The following IKZF2 variants were observed in gnomAD, a reference collection of about 807,000 sequenced individuals.
The protein encoded by IKZF2 is IKAROS family zinc finger 2.
A neutral mutation model predicts 49.2 loss-of-function variants in IKZF2; 15 were observed. That is an observed-to-expected ratio of 0.30 (90% CI 0.20 to 0.47). The LOEUF (loss-of-function observed/expected upper bound fraction) is 0.47. IKZF2 is among the 20% of genes least tolerant of loss of function. IKZF2 has a pLI of 1.00. For synonymous variants in IKZF2, 227 were observed against 221.4 expected (o/e 1.03, Z -0.23); for missense variants, 567 against 664.6 (o/e 0.85, Z 1.61).
At position 213,049,851 on chromosome 2, in the gene IKZF2, C is replaced by T; in HGVS notation, c.436G>A (p.Gly146Arg). The change falls in exon 6 of 9, where the codon GGA (glycine) becomes AGA (arginine). Residue 146 changes from glycine (G) to arginine (R), a missense_variant. Transcript: ENST00000434687. Reference protein sequence around the residue: ...GERPFHCNQCGASFTQKGNLL... With the variant: ...GERPFHCNQCRASFTQKGNLL... ...TTGCCCTTCTGAGTAAAAGAAGCTC[C>T]ACACTGGTTACAGTGGAAGGGGCGT... 2 of 1,603,936 alleles carry T rather than the reference C, an allele frequency of 1.2e-6. No homozygotes were observed. The highest frequency in any genetic ancestry group is 1.7e-6 in the Non-Finnish European group (2 of 1,174,056).
intron 4 of IKZF2, among the ~76,000 whole-genome samples, chr2:213,122,661 T>C (rs1350214700): frequency 6.6e-6 from 1 of 152,238 alleles, no homozygotes; most frequent in East Asian, 1.9e-4. Context: ...AGTGACATAA[T>C]TAAATGGGCT....
intron 5 of IKZF2, among the ~76,000 whole-genome samples, chr2:213,051,615 A>G (rs911267289): frequency 2.6e-5 from 4 of 151,914 alleles, no homozygotes; most frequent in African/African-American, 7.2e-5. Context: ...CAACTTGATT[A>G]TTTGATTCTC....
intron 4 of IKZF2, among the ~76,000 whole-genome samples, chr2:213,070,887 T>A (rs545862167): frequency 1.3e-5 from 2 of 152,310 alleles, no homozygotes; most frequent in African/African-American, 4.8e-5. Flanking sequence ...CAGGAATTTA[T>A]TATTCTGTGG....
intron 4 of IKZF2, among the ~76,000 whole-genome samples, chr2:213,103,784 T>C (rs1015156861): frequency 2.0e-5 from 2 of 101,638 alleles, no homozygotes; most frequent in Non-Finnish European, 4.0e-5. Context: ...TTTTATAACT[T>C]AGAACAACTG....
rs568404203 is a variant in IKZF2 at position 213,124,850 on chromosome 2, C to T, written c.139+22858G>A. On this transcript the variant is annotated intron_variant, in intron 4 of 8. Coordinates refer to ENST00000434687, the MANE Select transcript of IKZF2 (RefSeq NM_001387220.1). Reference sequence around the variant, plus strand: ...ATAGGAAAGAAAAAGAAATCAGGTCCTTATTCCTTACATCCTGCACAAGGT... The same window carrying T: ...ATAGGAAAGAAAAAGAAATCAGGTCTTTATTCCTTACATCCTGCACAAGGT... Among the ~76,000 whole-genome samples the T allele has an allele frequency of 3.3e-5, 5 of 152,308 alleles. No homozygotes were observed. The East Asian group carries it at 9.6e-4, about 29-fold the overall frequency.
At chr2:213,020,545 A>G (rs1004447866) in intron 7 of IKZF2, among the ~76,000 whole-genome samples, 1 of 152,120 alleles carries the variant, frequency 6.6e-6, no homozygotes, top group Non-Finnish European at 1.5e-5. Flanking sequence ...TGAAATATCA[A>G]ATTTACCAAG....
At chr2:213,123,605 A>AAAAT (rs1553599347) in intron 4 of IKZF2, among the ~76,000 whole-genome samples, 1 of 152,154 alleles carries the variant, frequency 6.6e-6, no homozygotes, top group Non-Finnish European at 1.5e-5. Context: ...GTATAATAAT[A>AAAAT]AAATAAATAA....
intron 4 of IKZF2, 124 bp from the exon 5 acceptor site, chr2:213,057,223 C>T (rs1701249000): frequency 1.2e-6 from 1 of 846,268 alleles, no homozygotes; most frequent in Non-Finnish European, 1.8e-6. Context: ...GAATAGAGTT[C>T]ATCATCGAAT....
At chr2:213,134,443 C>A (rs2060583875) in intron 4 of IKZF2, among the ~76,000 whole-genome samples, 1 of 152,230 alleles carries the variant, frequency 6.6e-6, no homozygotes, top group African/African-American at 2.4e-5. Flanking sequence ...CTCTTACACA[C>A]ACAGTATAGT....
intron 6 of IKZF2, among the ~76,000 whole-genome samples, chr2:213,047,106 T>C (rs1194936808): frequency 6.6e-6 from 1 of 152,166 alleles, no homozygotes; most frequent in African/African-American, 2.4e-5. Context: ...TAATAGGATA[T>C]GCCTTCCCTT....
At chr2:213,083,551 C>CTTTTTTTTTTTTTTTTTTTTTTTT (rs35297007) in intron 4 of IKZF2, among the ~76,000 whole-genome samples, 1 of 93,956 alleles carries the variant, frequency 1.1e-5, no homozygotes. Context: ...ACCAGGCTAA[C>CTTTTTTTTTTTTTTTTTTTTTTTT]TTTTTTTTTT....
chr2:213,150,484 C>G (rs1480825578), intron 1 of IKZF2: 2 of 239,916 alleles, frequency 8.3e-6, no homozygotes, highest in Non-Finnish European at 1.7e-5. Flanking sequence ...CCTCGTCCTC[C>G]TCCTCCTCCT....
At chr2:213,140,397 T>C (rs1294049962) in intron 4 of IKZF2, among the ~76,000 whole-genome samples, 1 of 151,946 alleles carries the variant, frequency 6.6e-6, no homozygotes, top group Non-Finnish European at 1.5e-5. Context: ...TGCATATTTA[T>C]CTCAAAGTCT....
intron 4 of IKZF2, among the ~76,000 whole-genome samples, chr2:213,124,240 T>TCGCGCGCGCG (rs143337769): frequency 6.8e-5 from 8 of 118,342 alleles, no homozygotes; most frequent in Admixed American, 3.3e-4. Flanking sequence ...ACACATGCGC[T>TCGCGCGCGCG]CGCGCGCGCG....
chr2:213,011,409 T>TG (rs1574471696), intron 8 of IKZF2, among the ~76,000 whole-genome samples: 1 of 151,974 alleles, frequency 6.6e-6, no homozygotes, highest in Admixed American at 6.6e-5. Context: ...GTGAGGTATC[T>TG]GGGGGGCCAG....
intron 6 of IKZF2, among the ~76,000 whole-genome samples, chr2:213,039,347 T>C (rs1027557148): frequency 6.6e-6 from 1 of 151,978 alleles, no homozygotes; most frequent in Non-Finnish European, 1.5e-5. Context: ...AAAATAAAGA[T>C]AGTCCATATA....
rs1695139013 is a variant in IKZF2, at chr2:213,004,177, AC to A, written c.*3182del. On this transcript the variant is annotated 3_prime_UTR_variant, in exon 9 of 9. Transcript: ENST00000434687. ...AAGAATGTGTGTGTAGTATACACAC[AC>A]ATATACCCTATGATTCATACATACA... The A allele has an allele frequency of 6.6e-6, 1 of 151,868 alleles. No individual in the cohort carries two copies. The highest frequency in any genetic ancestry group is 6.6e-5 in the Admixed American group (1 of 15,204). 9.4% of individuals were successfully genotyped at this position (151,868 alleles called of 1,614,324 possible).
chr2:213,017,875 T>G (rs1381741076), intron 7 of IKZF2, among the ~76,000 whole-genome samples: 2 of 152,140 alleles, frequency 1.3e-5, no homozygotes, highest in African/African-American at 4.8e-5. Flanking sequence ...TTCTGTTGTA[T>G]TTGTGTCTCT....
At chr2:213,078,561 A>C (rs931558009) in intron 4 of IKZF2, among the ~76,000 whole-genome samples, 25 of 152,352 alleles carry the variant, frequency 1.6e-4, no homozygotes, top group African/African-American at 5.0e-4. Flanking sequence ...AAACAGAATT[A>C]TTTGAGCAAA....
Sources: gnomAD v4.1 joint callset for allele counts (sites outside exome capture counted in the v4.1 genomes callset) on GRCh38, gnomAD v4.1.1 for gene constraint, MANE v1.5 for transcripts, NCBI Gene and HGNC (gene_info 2026-07-23, HGNC 2026-07-21) for gene names.